POLR1B: variants seen among roughly 807,000 people sequenced by gnomAD.
POLR1B encodes RNA polymerase I subunit B, also known as DNA-directed RNA polymerase I subunit RPA2.
In POLR1B, 30 loss-of-function variants were observed where a neutral mutation model predicts 105.8. The observed-to-expected ratio is 0.28, with a 90% CI of 0.21 to 0.38. The LOEUF (loss-of-function observed/expected upper bound fraction) is 0.38, where lower values mean the gene tolerates loss of function less well. Among genes scored for constraint, POLR1B ranks in the 10% least tolerant of loss-of-function variants. The pLI is 1.00. For synonymous variants in POLR1B, 485 were observed against 505.1 expected (o/e 0.96, Z 0.53); for missense variants, 976 against 1,435.8 (o/e 0.68, Z 5.17).
chr2:112,565,981 C>T (rs1478010745), intron 10 of POLR1B, among the ~76,000 whole-genome samples: 1 of 152,034 alleles, frequency 6.6e-6, no homozygotes, highest in Non-Finnish European at 1.5e-5. Context: ...GCCTCAGCCT[C>T]CTGAGTAGCT....
chr2:112,566,075 G>C (rs1219874877), intron 10 of POLR1B, among the ~76,000 whole-genome samples: 1 of 152,024 alleles, frequency 6.6e-6, no homozygotes, highest in African/African-American at 2.4e-5. Context: ...GGTCAGTCTG[G>C]TCTCCTGACC....
chr2:112,552,025 T>C (rs1411201617), intron 6 of POLR1B, 27 bp downstream of exon 6: 2 of 1,588,446 alleles, frequency 1.3e-6, no homozygotes, highest in South Asian at 2.2e-5. Context: ...TAAACTGTTT[T>C]TGGAGGGGCG....
rs373446103 is a variant in POLR1B at position 112,551,915 on chromosome 2, T to C, written c.903T>C (p.Leu301=). 36 of 1,614,084 alleles carry C rather than the reference T, an allele frequency of 2.2e-5. No individual in the cohort carries two copies. The highest frequency in any genetic ancestry group is 2.6e-5 in the Non-Finnish European group (31 of 1,180,022). The stretch of plus-strand genomic sequence containing the variant: ...GTTGTTCGACACAAAAACAGGTCCT[T>C]AACTACCTAGGTGAATGCTTCAGAG... ...EEGCSTQKQV[L]NYLGECFRVK... The change falls in exon 6 of 15, where the codon CTT becomes CTC. Residue 301 remains leucine, a synonymous_variant. Coordinates refer to ENST00000263331, the MANE Select transcript of POLR1B (RefSeq NM_019014.6).
At chr2:112,542,456 G>C, upstream of POLR1B, 1 of 1,608,844 alleles carries the variant, frequency 6.2e-7, no homozygotes, top group Non-Finnish European at 8.5e-7. Flanking sequence ...GGCGTCCGGC[G>C]TGTACCGAGA....
chr2:112,578,405 C>T lies in POLR1B; in HGVS notation c.*2676C>T, dbSNP rs963723003. Among the ~76,000 whole-genome samples the T allele has an allele frequency of 1.3e-5, 2 of 152,152 alleles. No homozygotes were observed. Among genetic ancestry groups the T allele is most frequent in the Admixed American group, 6.6e-5 (1 of 15,266 alleles). ...TAATTTTCTTATTTCAAGAATCTTA[C>T]GTAAATAGGATCACGAAGTATAACC... is the stretch of plus-strand genomic sequence containing the variant. On this transcript the variant is annotated 3_prime_UTR_variant, in exon 15 of 15. Coordinates refer to ENST00000263331, the MANE Select transcript of POLR1B (RefSeq NM_019014.6).
chr2:112,562,401 G>A (rs188701929), intron 9 of POLR1B, among the ~76,000 whole-genome samples: 7 of 152,128 alleles, frequency 4.6e-5, no homozygotes, highest in Admixed American at 4.6e-4. Flanking sequence ...TGTCCTTGCT[G>A]AAGCAATTTA....
chr2:112,558,197 A>C, intron 8 of POLR1B, 116 bp downstream of exon 8: 1 of 768,470 alleles, frequency 1.3e-6, no homozygotes, highest in East Asian at 3.3e-5. Flanking sequence ...TAAATTTCTC[A>C]TAACTATGAC....
At chr2:112,561,500 T>G (rs1683982881) in intron 9 of POLR1B, among the ~76,000 whole-genome samples, 1 of 152,002 alleles carries the variant, frequency 6.6e-6, no homozygotes. Context: ...TGATTCTCAT[T>G]ATTTGTAGTA....
chr2:112,574,750 T>A, intron 14 of POLR1B, 97 bp from the exon 15 acceptor site: 1 of 974,838 alleles, frequency 1.0e-6, no homozygotes, highest in Non-Finnish European at 1.5e-6. Context: ...AAAAAAGTTT[T>A]ACAAATATCC....
chr2:112,575,491 G>T lies in POLR1B; in HGVS notation c.3170G>T (p.Arg1057Leu), dbSNP rs756014474. 6.2e-7 allele frequency: 1 copy of T among 1,614,088 alleles called. No homozygotes were observed. The highest frequency in any genetic ancestry group is 8.5e-7 in the Non-Finnish European group (1 of 1,180,030). Residue 1057 changes from arginine (R) to leucine (L), a missense_variant, in exon 15 of 15, where the codon CGC becomes CTC. Coordinates refer to ENST00000263331, the MANE Select transcript of POLR1B (RefSeq NM_019014.6). This position sits in a 1 kb window ranked among gnomAD's most constrained non-coding sequence, Gnocchi z 5.3. ...GGTACATCTTTTCTCCTTCATGACC[G>T]CCTCTTCAACTGCTCAGATCGGTCG... ...AHGTSFLLHD[R>L]LFNCSDRSVA...
At chr2:112,568,930 A>G in intron 12 of POLR1B, 28 bp downstream of exon 12, 1 of 1,596,778 alleles carries the variant, frequency 6.3e-7, no homozygotes. Flanking sequence ...TGTTACAGTC[A>G]CAATCAGGAA....
In POLR1B at chr2:112,542,681, G is replaced by T; in HGVS notation, c.177+10G>T. 4 of 1,610,354 alleles carry T rather than the reference G, an allele frequency of 2.5e-6. No homozygotes were observed. In the African/African-American group the frequency reaches 4.0e-5, roughly 16 times the overall value. On this transcript the variant is annotated intron_variant, in intron 1 of 14. Transcript: ENST00000263331. ...CGGCCTCGCGGTGCAGGTGAGCGCG[G>T]CGTCCGCCGGCGCCCTTGCCGCGGC...
chr2:112,566,492 G>T (rs1684280266), intron 10 of POLR1B, among the ~76,000 whole-genome samples: 1 of 152,180 alleles, frequency 6.6e-6, no homozygotes, highest in African/African-American at 2.4e-5. Flanking sequence ...TTGCTATTCT[G>T]TAAGGGAGGG....
intron 12 of POLR1B, among the ~76,000 whole-genome samples, chr2:112,569,988 A>G (rs1684509513): frequency 1.3e-5 from 2 of 150,498 alleles, no homozygotes; most frequent in South Asian, 4.2e-4. Flanking sequence ...AAACCTTTTG[A>G]TATTGTTCCA....
intron 9 of POLR1B, among the ~76,000 whole-genome samples, chr2:112,563,356 G>T (rs1269834138): frequency 6.6e-6 from 1 of 152,112 alleles, no homozygotes; most frequent in East Asian, 1.9e-4. Context: ...CGCCTGGCCT[G>T]TGACAATTTC....
intron 3 of POLR1B, 120 bp from the exon 4 acceptor site, chr2:112,549,147 T>A: frequency 9.1e-7 from 1 of 1,101,980 alleles, no homozygotes; most frequent in Non-Finnish European, 1.4e-6. Flanking sequence ...GGATCAGTAG[T>A]ACATTTCACC....
intron 5 of POLR1B, among the ~76,000 whole-genome samples, chr2:112,551,269 A>C (rs1008263177): frequency 6.6e-6 from 1 of 152,174 alleles, no homozygotes; most frequent in Non-Finnish European, 1.5e-5. Context: ...ACAGGACTGC[A>C]GTCATTTTCA....
At chr2:112,567,061 G>A (rs936118375) in intron 10 of POLR1B, among the ~76,000 whole-genome samples, 1 of 151,790 alleles carries the variant, frequency 6.6e-6, no homozygotes, top group African/African-American at 2.4e-5. Flanking sequence ...GTGGAGCATC[G>A]GAGGATGAGG....
rs1054612472 is a variant in POLR1B at position 112,568,246 on chromosome 2, A to G, written c.1917+109A>G. 2.1e-5 allele frequency: 24 copies of G among 1,127,488 alleles called. 1 individual carries two copies. In the Admixed American group the frequency reaches 5.5e-4, roughly 26 times the overall value. 69.8% of individuals were successfully genotyped at this position (1,127,488 alleles called of 1,614,324 possible). Reference sequence around the variant, plus strand: ...AAAGGGTTGTTAATGTTACAACAACAGTTGGACATTTGAAAGAAAGTCAGA... The same window carrying G: ...AAAGGGTTGTTAATGTTACAACAACGGTTGGACATTTGAAAGAAAGTCAGA... On this transcript the variant is annotated intron_variant, in intron 11 of 14. Coordinates refer to ENST00000263331, the MANE Select transcript of POLR1B (RefSeq NM_019014.6).
Sources: allele counts gnomAD v4.1 joint callset (sites outside exome capture counted in the v4.1 genomes callset), GRCh38; gene constraint gnomAD v4.1.1; non-coding constraint Gnocchi (gnomAD v3.1); transcripts MANE v1.5; gene names NCBI Gene and HGNC (gene_info 2026-07-23, HGNC 2026-07-21).